The following SEMA5A variants were observed in gnomAD, a reference collection of about 807,000 sequenced individuals.
SEMA5A encodes semaphorin-5A.
In SEMA5A, 55 loss-of-function variants were observed where a neutral mutation model predicts 135.5. The ratio of observed to expected loss-of-function variants is 0.41; its 90% CI spans 0.33 to 0.51. SEMA5A has a LOEUF of 0.51. Among genes scored for constraint, SEMA5A ranks in the 20% least tolerant of loss-of-function variants. The pLI is 0.37. For missense variants in SEMA5A, 1,290 were observed against 1,419.9 expected, an observed-to-expected ratio of 0.91 and a Z score of 1.47; for synonymous variants, 580 against 546.5, an observed-to-expected ratio of 1.06 and a Z score of -0.85.
At chr5:9,436,933 G>T (rs1758052889) in intron 2 of SEMA5A, among the ~76,000 whole-genome samples, 1 of 139,468 alleles carries the variant, frequency 7.2e-6, no homozygotes, top group Non-Finnish European at 1.6e-5. Context: ...ACGATTCGTG[G>T]TGGGAACAGA....
At chr5:9,359,561 T>C (rs1754600327) in intron 3 of SEMA5A, among the ~76,000 whole-genome samples, 1 of 152,216 alleles carries the variant, frequency 6.6e-6, no homozygotes, top group Non-Finnish European at 1.5e-5. Flanking sequence ...CTATGGAATC[T>C]GAAATGAGTC....
intron 12 of SEMA5A, among the ~76,000 whole-genome samples, chr5:9,145,511 A>G (rs995609311): frequency 4.6e-5 from 7 of 152,228 alleles, no homozygotes; most frequent in South Asian, 2.1e-4. Flanking sequence ...CGTATTTAGA[A>G]TAACTCAGGT....
At position 9,044,557 on chromosome 5, in the gene SEMA5A, A is replaced by G. The variant is rs1182505021; in HGVS notation, c.2921T>C (p.Val974Ala). 3.1e-6 allele frequency: 5 copies of G among 1,614,068 alleles called. No individual in the cohort carries two copies. In the South Asian group the frequency reaches 4.4e-5, roughly 14 times the overall value. The change falls in exon 22 of 23, where the codon GTG (valine) becomes GCG (alanine). Residue 974 changes from valine to alanine, a missense_variant. This residue lies in a region of SEMA5A where 1,029 missense variants were observed against 1,086.6 expected (regional missense o/e 0.95). Coordinates refer to ENST00000382496, the MANE Select transcript of SEMA5A (RefSeq NM_003966.3). Reference sequence around the variant, plus strand: ...GCCGAGGATGGAGCTGCTCAGCCCCACGGCGATCATGTGGAACATGTTGAA... The same window carrying G: ...GCCGAGGATGGAGCTGCTCAGCCCCGCGGCGATCATGTGGAACATGTTGAA... ...GEFNMFHMIA[V>A]GLSSSILGCL...
chr5:9,228,595 A>AT (rs1747450623), intron 6 of SEMA5A, among the ~76,000 whole-genome samples: 1 of 152,232 alleles, frequency 6.6e-6, no homozygotes. Context: ...TCAGAAACCA[A>AT]TGTGCAGGAT....
At chr5:9,215,078 A>G (rs1435900605) in intron 8 of SEMA5A, among the ~76,000 whole-genome samples, 1 of 152,148 alleles carries the variant, frequency 6.6e-6, no homozygotes, top group African/African-American at 2.4e-5. Flanking sequence ...AGGAAGAAAC[A>G]TGTAAAACAG....
At chr5:9,394,303 C>T (rs1756293802) in intron 2 of SEMA5A, among the ~76,000 whole-genome samples, 1 of 152,136 alleles carries the variant, frequency 6.6e-6, no homozygotes, top group African/African-American at 2.4e-5. Context: ...AAATCAAACA[C>T]CAGCTCCCCC....
chr5:9,270,086 C>T (rs1749892788), intron 5 of SEMA5A, among the ~76,000 whole-genome samples: 1 of 152,108 alleles, frequency 6.6e-6, no homozygotes, highest in Non-Finnish European at 1.5e-5. Context: ...GCTTTCCTTC[C>T]AGGAGTCTGC....
chr5:9,456,759 G>A (rs1459009156), intron 1 of SEMA5A, among the ~76,000 whole-genome samples: 3 of 152,160 alleles, frequency 2.0e-5, no homozygotes, highest in Non-Finnish European at 4.4e-5. Flanking sequence ...AGCACTGAGG[G>A]AAACTTCAAG....
chr5:9,221,390 C>A (rs1746961729), intron 8 of SEMA5A, among the ~76,000 whole-genome samples: 1 of 148,056 alleles, frequency 6.8e-6, no homozygotes, highest in Admixed American at 6.7e-5. Context: ...GCAAGCTCCG[C>A]CTCCCGGGTT....
intron 16 of SEMA5A, among the ~76,000 whole-genome samples, chr5:9,073,023 C>T (rs767594465): frequency 1.1e-4 from 16 of 152,276 alleles, no homozygotes; most frequent in Non-Finnish European, 1.6e-4. Flanking sequence ...CAACTTGCAA[C>T]ATGCCAGCTG....
chr5:9,406,780 A>G (rs1279848543), intron 2 of SEMA5A, among the ~76,000 whole-genome samples: 3 of 152,214 alleles, frequency 2.0e-5, no homozygotes, highest in Non-Finnish European at 2.9e-5. Flanking sequence ...ACGTGAAGAG[A>G]ATGTACGGAA....
At chr5:9,432,680 A>G (rs1757899197) in intron 2 of SEMA5A, among the ~76,000 whole-genome samples, 2 of 152,310 alleles carry the variant, frequency 1.3e-5, no homozygotes, top group South Asian at 4.1e-4. Context: ...TGCCCTTAAC[A>G]TTATTGTACG....
chr5:9,370,768 A>G (rs1755103462), intron 3 of SEMA5A, among the ~76,000 whole-genome samples: 1 of 152,196 alleles, frequency 6.6e-6, no homozygotes, highest in East Asian at 1.9e-4. Context: ...TCCCAAATGT[A>G]ACCAAGGTGG....
chr5:9,312,728 A>G (rs1269213757), intron 5 of SEMA5A, among the ~76,000 whole-genome samples: 1 of 152,126 alleles, frequency 6.6e-6, no homozygotes, highest in Non-Finnish European at 1.5e-5. Context: ...TAGTTTGTCA[A>G]AAAGACAAGA....
chr5:9,157,770 G>T (rs1314495406), intron 11 of SEMA5A, among the ~76,000 whole-genome samples: 1 of 152,198 alleles, frequency 6.6e-6, no homozygotes, highest in Non-Finnish European at 1.5e-5. Context: ...TTTGCCTGAG[G>T]TGACAAATGA....
At chr5:9,090,954 C>T (rs1259260843) in intron 16 of SEMA5A, among the ~76,000 whole-genome samples, 1 of 152,160 alleles carries the variant, frequency 6.6e-6, no homozygotes, top group Non-Finnish European at 1.5e-5. Flanking sequence ...AAGTGCCAGG[C>T]TTGTAAAACC....
intron 16 of SEMA5A, among the ~76,000 whole-genome samples, chr5:9,087,890 T>G (rs996433224): frequency 1.3e-5 from 2 of 152,248 alleles, no homozygotes; most frequent in Non-Finnish European, 2.9e-5. Context: ...TAGGAAACAT[T>G]GCAAAATTTA....
chr5:9,247,455 T>C (rs900309844), intron 5 of SEMA5A, among the ~76,000 whole-genome samples: 2 of 152,184 alleles, frequency 1.3e-5, no homozygotes, highest in African/African-American at 4.8e-5. Flanking sequence ...CAAACAACAC[T>C]TCATACCTGA....
intron 2 of SEMA5A, among the ~76,000 whole-genome samples, chr5:9,403,971 G>A (rs1314567105): frequency 6.6e-6 from 1 of 152,176 alleles, no homozygotes; most frequent in East Asian, 1.9e-4. Flanking sequence ...GTCTCGCTCT[G>A]TTGCCCAGGC....
Sources: allele counts gnomAD v4.1 joint callset (sites outside exome capture counted in the v4.1 genomes callset), GRCh38; gene constraint gnomAD v4.1.1; regional missense constraint gnomAD v4.1.1; transcripts MANE v1.5; gene names NCBI Gene and HGNC (gene_info 2026-07-23, HGNC 2026-07-21).